SLC24A3: variants seen among roughly 807,000 people sequenced by gnomAD.
SLC24A3 encodes sodium/potassium/calcium exchanger 3.
Under a neutral mutation model 75.8 loss-of-function variants are expected in SLC24A3, and 28 were observed. That is an observed-to-expected ratio of 0.37 (90% CI 0.27 to 0.51). The LOEUF (loss-of-function observed/expected upper bound fraction) is 0.51. Ranked by LOEUF, SLC24A3 falls within the 20% of genes least tolerant of loss-of-function variation. SLC24A3 has a pLI of 0.94. For synonymous variants in SLC24A3, 372 were observed against 334.1 expected (o/e 1.11, Z -1.24); for missense variants, 663 against 847.8 (o/e 0.78, Z 2.71).
At position 19,489,088 on chromosome 20, in the gene SLC24A3, C is replaced by G. The variant is rs530041139; in HGVS notation, c.272-26400C>G. Among the ~76,000 whole-genome samples, 4 of 152,292 alleles carry G rather than the reference C, an allele frequency of 2.6e-5. No individual in the cohort carries two copies. In the South Asian group the frequency reaches 8.3e-4, roughly 32 times the overall value. ...AATGCACTCAGGAAAGGAAAGCCAC[C>G]CTTGGAATTTCTGGGGAAGTCACCT... is the stretch of plus-strand genomic sequence containing the variant. On this transcript the variant is annotated intron_variant, in intron 2 of 16. Coordinates refer to ENST00000328041, the MANE Select transcript of SLC24A3 (RefSeq NM_020689.4).
intron 2 of SLC24A3, among the ~76,000 whole-genome samples, chr20:19,444,471 G>C (rs540794946): frequency 2.8e-4 from 43 of 152,228 alleles, no homozygotes; most frequent in African/African-American, 1.0e-3. Flanking sequence ...TTTTCTTTTA[G>C]TAAATTATTA....
At chr20:19,376,174 G>T (rs534502128) in intron 2 of SLC24A3, among the ~76,000 whole-genome samples, 1 of 152,256 alleles carries the variant, frequency 6.6e-6, no homozygotes, top group African/African-American at 2.4e-5. Flanking sequence ...ACTGTTTCAT[G>T]GAATACATTG....
At chr20:19,695,177 CA>C (rs2032789615) in intron 13 of SLC24A3, among the ~76,000 whole-genome samples, 1 of 152,194 alleles carries the variant, frequency 6.6e-6, no homozygotes, top group South Asian at 2.1e-4. Flanking sequence ...CACATCCCCC[CA>C]ATCTTTGAAC....
intron 3 of SLC24A3, among the ~76,000 whole-genome samples, chr20:19,563,519 T>A (rs1202314967): frequency 6.6e-6 from 1 of 152,184 alleles, no homozygotes; most frequent in African/African-American, 2.4e-5. Context: ...TAATAGAAGA[T>A]TAGTTTTCTC....
chr20:19,276,787 C>A (rs953075322), intron 1 of SLC24A3, among the ~76,000 whole-genome samples: 5 of 151,912 alleles, frequency 3.3e-5, no homozygotes, highest in African/African-American at 1.2e-4. Flanking sequence ...CACCTGCAGT[C>A]CTAGATACTG....
At chr20:19,390,068 T>C (rs1986340325) in intron 2 of SLC24A3, among the ~76,000 whole-genome samples, 1 of 152,192 alleles carries the variant, frequency 6.6e-6, no homozygotes, top group Admixed American at 6.5e-5. Flanking sequence ...TGTTGTTTCC[T>C]TTTTATGGTT....
intron 13 of SLC24A3, chr20:19,695,322 A>G (rs6035416): frequency 6.6e-6 from 1 of 152,150 alleles, no homozygotes; most frequent in African/African-American, 2.4e-5. Flanking sequence ...CTGTAATTTT[A>G]TGGCAAGTGA....
intron 3 of SLC24A3, among the ~76,000 whole-genome samples, chr20:19,565,035 A>G (rs1033317654): frequency 1.3e-5 from 2 of 152,102 alleles, no homozygotes; most frequent in African/African-American, 4.8e-5. Flanking sequence ...TGAACTCCTG[A>G]CCTCAGGTGA....
At chr20:19,572,819 A>T (rs2031074151) in intron 3 of SLC24A3, among the ~76,000 whole-genome samples, 1 of 152,224 alleles carries the variant, frequency 6.6e-6, no homozygotes, top group African/African-American at 2.4e-5. Context: ...CCTACAGCAG[A>T]CCCATGGTCA....
intron 7 of SLC24A3, among the ~76,000 whole-genome samples, chr20:19,655,017 GC>G (rs1279041018): frequency 1.3e-5 from 2 of 152,124 alleles, no homozygotes; most frequent in Non-Finnish European, 2.9e-5. Context: ...TCCTATCGTA[GC>G]CACAGACTGG....
chr20:19,573,830 A>G lies in SLC24A3; in HGVS notation c.349-6170A>G, dbSNP rs568309499. Among the ~76,000 whole-genome samples, 5 of 152,370 alleles carry G rather than the reference A, an allele frequency of 3.3e-5. No individual in the cohort carries two copies. In the East Asian group the frequency reaches 9.6e-4, roughly 29 times the overall value. On this transcript the variant is annotated intron_variant, in intron 3 of 16. Transcript: ENST00000328041. ...TCCAAGAAGGCCAGAAGAGTTGAGC[A>G]TATTATTACTTAGAACAAGATTGAA...
intron 2 of SLC24A3, among the ~76,000 whole-genome samples, chr20:19,498,858 C>T (rs1988338849): frequency 6.6e-6 from 1 of 152,188 alleles, no homozygotes; most frequent in African/African-American, 2.4e-5. Context: ...GCGTGACTTC[C>T]TATGCCAGAT....
At chr20:19,238,875 C>T (rs1041771522) in intron 1 of SLC24A3, among the ~76,000 whole-genome samples, 15 of 152,020 alleles carry the variant, frequency 9.9e-5, no homozygotes, top group African/African-American at 3.6e-4. Context: ...CTTTCTCCTC[C>T]TCCTGTCCTT....
intron 1 of SLC24A3, among the ~76,000 whole-genome samples, chr20:19,219,764 T>C (rs1981656480): frequency 6.6e-6 from 1 of 152,144 alleles, no homozygotes; most frequent in Non-Finnish European, 1.5e-5. Context: ...TTAAAAATAA[T>C]GAAATACCAT....
At chr20:19,678,316 G>C (rs2032554157) in intron 9 of SLC24A3, among the ~76,000 whole-genome samples, 3 of 134,380 alleles carry the variant, frequency 2.2e-5, no homozygotes, top group Non-Finnish European at 5.0e-5. Flanking sequence ...TCCCAGACGG[G>C]GCGGCTGGCC....
In SLC24A3 at chr20:19,326,589, T is replaced by C. The variant is rs1984868911; in HGVS notation, c.271+45502T>C. On this transcript the variant is annotated intron_variant, in intron 2 of 16. Transcript: ENST00000328041. The stretch of plus-strand genomic sequence containing the variant: ...TTTCTTTTCTTTTCTTTTTTTTTTT[T>C]TTTCTTGAGATAGTGTCTCCCTTGG... 2.0e-5 allele frequency among the ~76,000 whole-genome samples: 3 copies of C among 150,866 alleles called. No individual in the cohort carries two copies. In the South Asian group the frequency reaches 6.3e-4, roughly 32 times the overall value.
chr20:19,708,558 A>C (rs1183429111), intron 15 of SLC24A3, among the ~76,000 whole-genome samples: 1 of 152,212 alleles, frequency 6.6e-6, no homozygotes, highest in Non-Finnish European at 1.5e-5. Context: ...CCTCCAGAGA[A>C]GCTATCATGT....
chr20:19,590,699 G>A (rs529956732), intron 6 of SLC24A3, among the ~76,000 whole-genome samples: 29 of 152,328 alleles, frequency 1.9e-4, no homozygotes, highest in African/African-American at 6.7e-4. Context: ...TCCAGCTGAG[G>A]CAGCCAGTGA....
At chr20:19,222,708 A>G (rs1981749594) in intron 1 of SLC24A3, among the ~76,000 whole-genome samples, 2 of 151,740 alleles carry the variant, frequency 1.3e-5, no homozygotes, top group Admixed American at 6.6e-5. Flanking sequence ...ACCATCCCAA[A>G]TTATTTAATC....
Sources: allele counts gnomAD v4.1 joint callset (sites outside exome capture counted in the v4.1 genomes callset), GRCh38; gene constraint gnomAD v4.1.1; transcripts MANE v1.5; gene names NCBI Gene and HGNC (gene_info 2026-07-23, HGNC 2026-07-21).